ZNF804A: variants seen among roughly 807,000 people sequenced by gnomAD.
The protein encoded by ZNF804A is zinc finger protein 804A.
In ZNF804A, 2 loss-of-function variants were observed where a neutral mutation model predicts 16.5. That is an observed-to-expected ratio of 0.12 (90% CI 0.05 to 0.38). The LOEUF is 0.38. Among genes scored for constraint, ZNF804A ranks in the 10% least tolerant of loss-of-function variants. The pLI is 0.99. For missense variants in ZNF804A, 1,473 were observed against 1,390.7 expected (o/e 1.06, Z -0.94); for synonymous variants, 534 against 489.6 (o/e 1.09, Z -1.20).
intron 1 of ZNF804A, among the ~76,000 whole-genome samples, chr2:184,826,441 C>T (rs1468657900): frequency 6.6e-6 from 1 of 152,016 alleles, no homozygotes; most frequent in East Asian, 1.9e-4. Context: ...GAATTATTTT[C>T]AGATTAAATT....
At position 184,889,639 on chromosome 2, in the gene ZNF804A, T is replaced by C. The variant is rs531676871; in HGVS notation, c.255+23127T>C. 4.6e-5 allele frequency among the ~76,000 whole-genome samples: 7 copies of C among 151,956 alleles called. No homozygotes were observed. The South Asian group carries it at 8.3e-4, about 18-fold the overall frequency. On this transcript the variant is annotated intron_variant, in intron 2 of 3. Transcript: ENST00000302277. ...ATATTCGTTTCTTTAAGTACAGATA[T>C]AGATATATATTATTGAATATTAAAG...
At chr2:184,604,196 G>A (rs192187448) in intron 1 of ZNF804A, among the ~76,000 whole-genome samples, 1,119 of 69,530 alleles carry the variant, frequency 0.016, 30 homozygotes, top group African/African-American at 0.052. Context: ...TTGAGACGGA[G>A]TCTGGCTCTT....
chr2:184,790,668 A>G (rs1451950382), intron 1 of ZNF804A, among the ~76,000 whole-genome samples: 1 of 151,820 alleles, frequency 6.6e-6, no homozygotes, highest in Non-Finnish European at 1.5e-5. Context: ...CAGTGGAGTG[A>G]TCTCGGCTCA....
chr2:184,757,138 A>G (rs1182893322), intron 1 of ZNF804A, among the ~76,000 whole-genome samples: 1 of 152,028 alleles, frequency 6.6e-6, no homozygotes, highest in Non-Finnish European at 1.5e-5. Context: ...GTATATCACC[A>G]TCTGATCACG....
chr2:184,912,037 A>G (rs1404195138), intron 2 of ZNF804A, among the ~76,000 whole-genome samples: 2 of 152,018 alleles, frequency 1.3e-5, no homozygotes, highest in Non-Finnish European at 2.9e-5. Context: ...ATTCACCATA[A>G]TAAAGTGAAC....
chr2:184,866,405 C>G lies in ZNF804A; in HGVS notation c.148C>G (p.Leu50Val), dbSNP rs778655353. The change falls in exon 2 of 4, where the codon CTG becomes GTG. Residue 50 changes from leucine to valine, a missense_variant. By Grantham distance (32) the Leu-to-Val change is conservative. Transcript: ENST00000302277. The part of the protein sequence containing the change: ...AEKENTIAKA[L>V]EDLKANFYCE... The stretch of plus-strand genomic sequence containing the variant: ...GAAGGAAAATACCATAGCAAAAGCT[C>G]TGGAAGATCTGAAGGCAAATTTTTA... 18 of 1,613,112 alleles carry G rather than the reference C, an allele frequency of 1.1e-5. No individual in the cohort carries two copies. In the Admixed American group the frequency reaches 3.0e-4, roughly 27 times the overall value.
At chr2:184,736,694 G>A (rs933121089) in intron 1 of ZNF804A, among the ~76,000 whole-genome samples, 2 of 138,042 alleles carry the variant, frequency 1.4e-5, no homozygotes, top group East Asian at 1.9e-4. Context: ...CATGTATCCC[G>A]AACTTAAATT....
chr2:184,804,315 T>C (rs1419103408), intron 1 of ZNF804A, among the ~76,000 whole-genome samples: 1 of 152,198 alleles, frequency 6.6e-6, no homozygotes, highest in East Asian at 1.9e-4. Flanking sequence ...GATAGGCATG[T>C]CTTTTGAAGA....
chr2:184,934,840 A>G (rs2105843070), intron 3 of ZNF804A, among the ~76,000 whole-genome samples: 1 of 152,240 alleles, frequency 6.6e-6, no homozygotes, highest in East Asian at 1.9e-4. Context: ...TGATTTTCCC[A>G]TTAATTTTAT....
chr2:184,714,928 C>T (rs532858894), intron 1 of ZNF804A, among the ~76,000 whole-genome samples: 7 of 152,070 alleles, frequency 4.6e-5, no homozygotes, highest in Non-Finnish European at 8.8e-5. Context: ...TCCTTTATAC[C>T]TTCTTCATAC....
intron 1 of ZNF804A, among the ~76,000 whole-genome samples, chr2:184,784,619 C>A (rs1292435858): frequency 3.3e-5 from 5 of 151,864 alleles, no homozygotes; most frequent in Non-Finnish European, 7.4e-5. Flanking sequence ...TGCAATTGGA[C>A]AAAACTGTAG....
chr2:184,821,517 G>A (rs750241897), intron 1 of ZNF804A, among the ~76,000 whole-genome samples: 15 of 152,058 alleles, frequency 9.9e-5, no homozygotes, highest in Non-Finnish European at 1.9e-4. Context: ...AATATTTCAT[G>A]AGGAAAACAC....
intron 1 of ZNF804A, among the ~76,000 whole-genome samples, chr2:184,864,832 G>A (rs2105810472): frequency 6.8e-6 from 1 of 147,432 alleles, no homozygotes; most frequent in Admixed American, 6.7e-5. Flanking sequence ...TGCTAAAAGT[G>A]TGTTTTATAA....
chr2:184,620,293 A>C (rs1678574744), intron 1 of ZNF804A, among the ~76,000 whole-genome samples: 1 of 148,736 alleles, frequency 6.7e-6, no homozygotes, highest in African/African-American at 2.4e-5. Flanking sequence ...AAAGATTCCT[A>C]CAAATAAGAG....
intron 2 of ZNF804A, among the ~76,000 whole-genome samples, chr2:184,892,505 T>TTTTTTTA (rs1553486537): frequency 2.1e-5 from 3 of 145,014 alleles, no homozygotes; most frequent in Non-Finnish European, 4.5e-5. Flanking sequence ...TTTTTTTTTT[T>TTTTTTTA]ATGGAGTCTT....
chr2:184,927,057 T>A (rs1031956367), intron 2 of ZNF804A, among the ~76,000 whole-genome samples: 1 of 152,232 alleles, frequency 6.6e-6, no homozygotes, highest in Non-Finnish European at 1.5e-5. Context: ...TTGGTCTTAA[T>A]ACTTAGGAAT....
At chr2:184,683,367 C>T (rs944188644) in intron 1 of ZNF804A, among the ~76,000 whole-genome samples, 4 of 152,122 alleles carry the variant, frequency 2.6e-5, no homozygotes, top group Non-Finnish European at 4.4e-5. Flanking sequence ...GTTATTCAGC[C>T]ACATTTTACA....
intron 1 of ZNF804A, among the ~76,000 whole-genome samples, chr2:184,623,224 C>T (rs1213996840): frequency 6.6e-6 from 1 of 151,666 alleles, no homozygotes; most frequent in East Asian, 1.9e-4. Flanking sequence ...GCATAAAATA[C>T]TACAAAATAA....
At chr2:184,807,740 T>G (rs1322505176) in intron 1 of ZNF804A, among the ~76,000 whole-genome samples, 2 of 151,800 alleles carry the variant, frequency 1.3e-5, no homozygotes, top group African/African-American at 4.8e-5. Context: ...ACTGTCATTG[T>G]GGAATCTAAT....
Sources: gnomAD v4.1 joint callset for allele counts (sites outside exome capture counted in the v4.1 genomes callset) on GRCh38, gnomAD v4.1.1 for gene constraint, MANE v1.5 for transcripts, NCBI Gene and HGNC (gene_info 2026-07-23, HGNC 2026-07-21) for gene names.